Variants in HMCN2 observed in about 807,000 individuals in gnomAD.
The protein encoded by HMCN2 is hemicentin-2.
Under a neutral mutation model 377.5 loss-of-function variants are expected in HMCN2, and 325 were observed. That is an observed-to-expected ratio of 0.86 (90% CI 0.79 to 0.94). HMCN2 has a LOEUF of 0.94. Among genes scored for constraint, HMCN2 ranks in the 40% least tolerant of loss-of-function variants. HMCN2 has a pLI of 0.00. For missense variants in HMCN2, 4,543 were observed against 4,725.3 expected (o/e 0.96, Z 1.13); for synonymous variants, 2,007 against 2,046.8 (o/e 0.98, Z 0.53).
In HMCN2 at chr9:130,325,096, C is replaced by CTT. The variant is rs878863979; in HGVS notation, c.2921-485_2921-484dup. 7.0e-3 allele frequency among the ~76,000 whole-genome samples: 893 copies of CTT among 128,016 alleles called. 17 individuals carry two copies. Among genetic ancestry groups the CTT allele is most frequent in the African/African-American group, 0.01 (356 of 34,604 alleles). The allele number at this position is 128,016 out of a possible 152,430, so 84.0% of individuals were successfully genotyped here. ...GTCTTTTCTTCTTCTTCTTCTTCTT[C>CTT]TTTTTTTTTTTTTTTGTAGACAAGA... is the stretch of plus-strand genomic sequence containing the variant. On this transcript the variant is annotated intron_variant, in intron 19 of 97. Coordinates refer to ENST00000683500, the MANE Select transcript of HMCN2 (RefSeq NM_001291815.2).
rs1320714117 is a variant in HMCN2 at position 130,396,257 on chromosome 9, C to T, written c.11142C>T (p.Pro3714=). The T allele has an allele frequency of 1.9e-5, 24 of 1,286,230 alleles. No individual in the cohort carries two copies. Among genetic ancestry groups the T allele is most frequent in the Middle Eastern group, 2.1e-4 (1 of 4,706 alleles). The allele number at this position is 1,286,230 out of a possible 1,614,324, so 79.7% of individuals were successfully genotyped here. A position where few individuals can be genotyped will look rare whatever the true frequency, so the allele number is the denominator to read the frequency against. The part of the protein sequence containing the change: ...ALLPCQADGV[P]APLVSWRKDR... ...TGCCTTGCCAGGCCGACGGCGTGCC[C>T]GCACCCCTCGTGAGCTGGCGGAAGG... is the stretch of plus-strand genomic sequence containing the variant. Residue 3714 remains proline (P), a synonymous_variant, in exon 73 of 98, where the codon CCC becomes CCT. Transcript: ENST00000683500.
At chr9:130,402,946 G>A (rs991168834) in intron 78 of HMCN2, 50 bp downstream of exon 78, 28 of 1,255,882 alleles carry the variant, frequency 2.2e-5, no homozygotes, top group Non-Finnish European at 2.9e-5. Context: ...AGGGGAGCAG[G>A]TGGAGAGCCA....
intron 15 of HMCN2, among the ~76,000 whole-genome samples, chr9:130,318,750 A>G (rs1392553739): frequency 6.6e-6 from 1 of 152,288 alleles, no homozygotes; most frequent in Non-Finnish European, 1.5e-5. Context: ...TGCAACCCCT[A>G]TTCACTCTTG....
rs762512909 is a variant in HMCN2 at position 130,395,352 on chromosome 9, G to T, written c.10911+5G>T. 7.8e-7 allele frequency: 1 copy of T among 1,285,214 alleles called. No individual in the cohort carries two copies. The highest frequency in any genetic ancestry group is 1.0e-6 in the Non-Finnish European group (1 of 986,602). The allele number at this position is 1,285,214 out of a possible 1,614,324, so 79.6% of individuals were successfully genotyped here. Reference sequence around the variant, plus strand: ...CGAGACGGCATTGTGCTGCAGGTGGGCGCCAGGCAGGGCCCCAGGGTGCTG... The same window carrying T: ...CGAGACGGCATTGTGCTGCAGGTGGTCGCCAGGCAGGGCCCCAGGGTGCTG... On this transcript the variant is annotated splice_donor_5th_base_variant and intron_variant, in intron 71 of 97. Coordinates refer to ENST00000683500, the MANE Select transcript of HMCN2 (RefSeq NM_001291815.2).
rs1043260598 is a variant in HMCN2, at chr9:130,423,409, G to A, written c.13381+683G>A. On this transcript the variant is annotated intron_variant, in intron 87 of 97. Coordinates refer to ENST00000683500, the MANE Select transcript of HMCN2 (RefSeq NM_001291815.2). This position sits in a 1 kb window ranked among gnomAD's most constrained non-coding sequence, Gnocchi z 5.5. ...CCATGGTCCCGCATGAGCAGTGTGGGGTCAGGGGATTTTGCTGGGGAAGTC... is the reference window on the plus strand; with the variant it reads ...CCATGGTCCCGCATGAGCAGTGTGGAGTCAGGGGATTTTGCTGGGGAAGTC... Among the ~76,000 whole-genome samples the A allele has an allele frequency of 6.6e-6, 1 of 152,194 alleles. No individual in the cohort carries two copies. The highest frequency in any genetic ancestry group is 1.5e-5 in the Non-Finnish European group (1 of 68,034).
chr9:130,298,767 A>C (rs1160984668), intron 7 of HMCN2, among the ~76,000 whole-genome samples: 2 of 152,150 alleles, frequency 1.3e-5, no homozygotes, highest in Non-Finnish European at 2.9e-5. Context: ...AACTCAGTGC[A>C]GTCAGAGGGG....
intron 19 of HMCN2, among the ~76,000 whole-genome samples, chr9:130,323,829 A>C (rs1379745778): frequency 6.6e-6 from 1 of 151,836 alleles, no homozygotes; most frequent in Non-Finnish European, 1.5e-5. Context: ...CAGCCTCCTG[A>C]GTAGCTGGGA....
At chr9:130,426,015 C>T in intron 90 of HMCN2, 91 bp downstream of exon 90, 2 of 950,476 alleles carry the variant, frequency 2.1e-6, no homozygotes, top group Admixed American at 2.3e-5. Context: ...CACCCCTGCC[C>T]CTAACATCCA....
chr9:130,386,111 C>T (rs969170036), intron 60 of HMCN2, among the ~76,000 whole-genome samples: 3 of 152,148 alleles, frequency 2.0e-5, no homozygotes, highest in African/African-American at 7.2e-5. Context: ...ATTAGATGCT[C>T]ACAGTGTTTG....
At chr9:130,352,027 G>C (rs1445717336) in intron 30 of HMCN2, among the ~76,000 whole-genome samples, 1 of 152,026 alleles carries the variant, frequency 6.6e-6, no homozygotes, top group African/African-American at 2.4e-5. Flanking sequence ...GGCCAGGCTG[G>C]CCTTGAACTC....
At chr9:130,376,407 T>C (rs1267767595) in intron 51 of HMCN2, 109 bp from the exon 52 acceptor site, 1 of 172,886 alleles carries the variant, frequency 5.8e-6, no homozygotes, top group Admixed American at 6.5e-5. Context: ...AGGATCCCTG[T>C]GTCTCTTGGG....
chr9:130,388,591 T>C, intron 62 of HMCN2, 51 bp downstream of exon 62: 2 of 985,096 alleles, frequency 2.0e-6, no homozygotes, highest in Non-Finnish European at 2.4e-6. Context: ...CTTTCTTTAA[T>C]AAGATGACAG....
intron 93 of HMCN2, among the ~76,000 whole-genome samples, chr9:130,429,004 CTCT>C (rs1396827233): frequency 6.6e-6 from 1 of 152,208 alleles, no homozygotes; most frequent in Non-Finnish European, 1.5e-5. Flanking sequence ...CACCCGGCTC[CTCT>C]GAGAGACTGC....
At position 130,433,430 on chromosome 9, in the gene HMCN2, GGCGTGCGC is replaced by G; in HGVS notation, c.14980_14987del (p.Val4994ProfsTer221). On this transcript the variant is annotated frameshift_variant, in exon 98 of 98. Transcript: ENST00000683500. LOFTEE classifies it high-confidence loss of function. ...GTACCGGCTGCTGCCGCTGCCCCTG[GGCGTGCGC>G]GCCCACCACGACGTGGCCCGCCTCA... 1 of 1,493,740 alleles carries G rather than the reference GGCGTGCGC, an allele frequency of 6.7e-7. No homozygotes were observed. The highest frequency in any genetic ancestry group is 8.9e-7 in the Non-Finnish European group (1 of 1,129,896). 92.5% of individuals were successfully genotyped at this position (1,493,740 alleles called of 1,614,324 possible).
At chr9:130,429,885 C>G in intron 94 of HMCN2, 200 bp downstream of exon 94, 1 of 1,028,874 alleles carries the variant, frequency 9.7e-7, no homozygotes, top group Non-Finnish European at 1.4e-6. Flanking sequence ...TTTGCACTCA[C>G]TGGGTGCCTG....
Position 130,430,361 on chromosome 9 carries a change from T to G in HMCN2, c.14404T>G (p.Cys4802Gly). ...CCTCCAGGGCAGCTACCGCTGCCTG[T>G]GCCCCCCAGGCCAGACCCTCCTTCG... ...HNLQGSYRCL[C>G]PPGQTLLRDG... The change falls in exon 95 of 98, where the codon TGC (cysteine) becomes GGC (glycine). Residue 4802 changes from cysteine to glycine, a missense_variant. Physicochemically the swap from Cys to Gly is radical, Grantham distance 159 (BLOSUM62 -3). Coordinates refer to ENST00000683500, the MANE Select transcript of HMCN2 (RefSeq NM_001291815.2). 6.5e-7 allele frequency: 1 copy of G among 1,549,452 alleles called. No homozygotes were observed. Among genetic ancestry groups the G allele is most frequent in the Non-Finnish European group, 8.7e-7 (1 of 1,146,890 alleles).
At chr9:130,391,142 C>T (rs1272872316) in intron 63 of HMCN2, 22 bp downstream of exon 63, 1 of 987,814 alleles carries the variant, frequency 1.0e-6, no homozygotes, top group East Asian at 1.1e-4. Context: ...CCTGCACCCT[C>T]CTGTCCCACT....
At position 130,377,630 on chromosome 9, in the gene HMCN2, C is replaced by T; in HGVS notation, c.8062-19C>T. ...CATTTCTGATCTCCCTTCCCCTGAC[C>T]CCCTCATCCTCCTCACAGCCCGTGA... is the stretch of plus-strand genomic sequence containing the variant. On this transcript the variant is annotated intron_variant, in intron 52 of 97. Transcript: ENST00000683500. The T allele has an allele frequency of 1.0e-6, 1 of 985,706 alleles. No individual in the cohort carries two copies. Among genetic ancestry groups the T allele is most frequent in the African/African-American group, 1.7e-5 (1 of 57,348 alleles). The allele number at this position is 985,706 out of a possible 1,614,324, so 61.1% of individuals were successfully genotyped here.
At chr9:130,399,015 G>T (rs1333026266) in intron 75 of HMCN2, among the ~76,000 whole-genome samples, 1 of 152,130 alleles carries the variant, frequency 6.6e-6, no homozygotes, top group Non-Finnish European at 1.5e-5. Flanking sequence ...CACTTTGGGA[G>T]GCTGAGGTGG....
Sources: allele counts gnomAD v4.1 joint callset (sites outside exome capture counted in the v4.1 genomes callset), GRCh38; gene constraint gnomAD v4.1.1; non-coding constraint Gnocchi (gnomAD v3.1); transcripts MANE v1.5; gene names NCBI Gene and HGNC (gene_info 2026-07-23, HGNC 2026-07-21).